ENOSF1: variants seen among roughly 807,000 people sequenced by gnomAD.
ENOSF1 encodes mitochondrial enolase superfamily member 1.
A neutral mutation model predicts 68.2 loss-of-function variants in ENOSF1; 73 were observed. That is an observed-to-expected ratio of 1.07 (90% CI 0.89 to 1.30). The LOEUF is 1.30. Ranked by LOEUF, ENOSF1 falls within the 50% of genes most tolerant of loss-of-function variation. The probability of loss-of-function intolerance (pLI) is 0.00; values close to 1 mark genes in which losing one functional copy is unlikely to be tolerated. For missense variants in ENOSF1, 589 were observed against 554.5 expected (o/e 1.06, Z -0.62); for synonymous variants, 223 against 210.4 (o/e 1.06, Z -0.52).
At position 675,307 on chromosome 18, in the gene ENOSF1, A is replaced by G. The variant is rs3819102; in HGVS notation, c.1230+14T>C. On this transcript the variant is annotated intron_variant, in intron 15 of 15. Coordinates refer to ENST00000647584, the MANE Select transcript of ENOSF1 (RefSeq NM_017512.7). Reference sequence around the variant, plus strand: ...CAGCATCTCTTCTACAGGGGCCCTCAGGCCACAGCTTACCTTGGGAGGCAT... The same window carrying G: ...CAGCATCTCTTCTACAGGGGCCCTCGGGCCACAGCTTACCTTGGGAGGCAT... The G allele has an allele frequency of 0.027, 43,253 of 1,603,502 alleles. 1,740 individuals are homozygous for G. Among genetic ancestry groups the G allele is most frequent in the East Asian group, 0.23 (10,099 of 44,658 alleles).
intron 11 of ENOSF1, among the ~76,000 whole-genome samples, chr18:682,529 A>G (rs1199359577): frequency 6.6e-6 from 1 of 152,112 alleles, no homozygotes; most frequent in African/African-American, 2.4e-5. Flanking sequence ...TATGGGGCAC[A>G]TGACTGTGCC....
intron 2 of ENOSF1, among the ~76,000 whole-genome samples, chr18:702,390 T>A (rs773043998): frequency 1.3e-5 from 2 of 148,966 alleles, no homozygotes; most frequent in African/African-American, 2.5e-5. Flanking sequence ...CTGGCCAACA[T>A]ATAGTGAAAC....
At chr18:694,618 ACT>A (rs1158310733) in intron 3 of ENOSF1, among the ~76,000 whole-genome samples, 1 of 147,406 alleles carries the variant, frequency 6.8e-6, no homozygotes, top group African/African-American at 2.6e-5. Context: ...ACAGAGCAAG[ACT>A]CTGTCTCAAA....
chr18:675,238 G>A lies in ENOSF1; in HGVS notation c.1230+83C>T, dbSNP rs2075362313. 6.8e-6 allele frequency: 7 copies of A among 1,032,812 alleles called. No individual in the cohort carries two copies. In the South Asian group the frequency reaches 9.4e-5, roughly 14 times the overall value. The allele number at this position is 1,032,812 out of a possible 1,614,324, so 64.0% of individuals were successfully genotyped here. Reference sequence around the variant, plus strand: ...GCAAACAAACAGGAGTCAAAGCTTGGTGCTCCACAGTCTAGTTCACGAGAC... The same window carrying A: ...GCAAACAAACAGGAGTCAAAGCTTGATGCTCCACAGTCTAGTTCACGAGAC... On this transcript the variant is annotated intron_variant, in intron 15 of 15. Coordinates refer to ENST00000647584, the MANE Select transcript of ENOSF1 (RefSeq NM_017512.7).
At chr18:700,911 A>G (rs1361091193) in intron 2 of ENOSF1, among the ~76,000 whole-genome samples, 1 of 151,252 alleles carries the variant, frequency 6.6e-6, no homozygotes, top group Non-Finnish European at 1.5e-5. Context: ...AAAAAAAAAA[A>G]AAACAAGAGA....
intron 5 of ENOSF1, chr18:691,567 G>C (rs1204184952): frequency 3.7e-6 from 1 of 271,906 alleles, no homozygotes; most frequent in East Asian, 7.6e-5. Context: ...GGTTGATCTT[G>C]AGCTCCTGGC....
Position 694,275 on chromosome 18 carries a change from C to T in ENOSF1, c.369G>A (p.Trp123Ter). ...TTCCCTCCTGCTTGGCCCACAAGTC[C>T]CACACCGCGTTTAGGACGGCCGCTG... is the stretch of plus-strand genomic sequence containing the variant. The part of the protein sequence containing the change: ...LATAAVLNAV[W>*]DLWAKQEGKP... The change falls in exon 4 of 16, where the codon TGG (tryptophan) becomes TGA (stop). Residue 123 changes from tryptophan to a stop codon, truncating the protein, a stop_gained. Transcript: ENST00000647584. LOFTEE classifies it high-confidence loss of function. 3 of 1,614,144 alleles carry T rather than the reference C, an allele frequency of 1.9e-6. No homozygotes were observed. In the South Asian group the frequency reaches 3.3e-5, roughly 18 times the overall value.
At position 674,221 on chromosome 18, in the gene ENOSF1, T is replaced by C; in HGVS notation, c.*84A>G. On this transcript the variant is annotated 3_prime_UTR_variant, in exon 16 of 16. Transcript: ENST00000647584. ...GAACTCATCTTGATCGGTAGGATTTTTTAAATCCATTTTTGTAAAACTATT... is the reference window on the plus strand; with the variant it reads ...GAACTCATCTTGATCGGTAGGATTTCTTAAATCCATTTTTGTAAAACTATT... 1.0e-6 allele frequency: 1 copy of C among 956,972 alleles called. No individual in the cohort carries two copies. The highest frequency in any genetic ancestry group is 1.6e-5 in the South Asian group (1 of 64,486). 59.3% of individuals were successfully genotyped at this position (956,972 alleles called of 1,614,324 possible).
intron 9 of ENOSF1, chr18:686,966 G>A (rs574070045): frequency 3.3e-4 from 50 of 152,326 alleles, no homozygotes; most frequent in African/African-American, 1.2e-3. Flanking sequence ...TCCTGTGCTG[G>A]GAAGAGACCC....
rs1319986930 is a variant in ENOSF1 at position 672,534 on chromosome 18, T to C, written c.*1771A>G. The C allele has an allele frequency of 5.5e-6, 1 of 182,962 alleles. No individual in the cohort carries two copies. The highest frequency in any genetic ancestry group is 1.1e-5 in the Non-Finnish European group (1 of 87,084). 11.3% of individuals were successfully genotyped at this position (182,962 alleles called of 1,614,324 possible). On this transcript the variant is annotated 3_prime_UTR_variant, in exon 16 of 16. Transcript: ENST00000647584. The stretch of plus-strand genomic sequence containing the variant: ...AGGGATTGTGGAATTCAAGTAAACG[T>C]AGAGCTACTATGAGTTACAGATTGA...
At chr18:699,883 C>T (rs929484834) in intron 2 of ENOSF1, among the ~76,000 whole-genome samples, 5 of 152,176 alleles carry the variant, frequency 3.3e-5, no homozygotes. Context: ...AGTTTGAGAC[C>T]AGCTTGGCCA....
At chr18:675,193 A>C in intron 15 of ENOSF1, 128 bp downstream of exon 15, 1 of 735,848 alleles carries the variant, frequency 1.4e-6, no homozygotes, top group Non-Finnish European at 2.4e-6. Context: ...AAACTGAAGA[A>C]CCGTTTGTTA....
At chr18:696,914 C>G (rs1024212457) in intron 3 of ENOSF1, among the ~76,000 whole-genome samples, 7 of 152,052 alleles carry the variant, frequency 4.6e-5, no homozygotes, top group Non-Finnish European at 1.0e-4. Context: ...GTCAGGAGTT[C>G]GAGACCAGCC....
chr18:697,442 G>A, intron 2 of ENOSF1, 87 bp from the exon 3 acceptor site: 1 of 1,075,880 alleles, frequency 9.3e-7, no homozygotes, highest in Non-Finnish European at 1.4e-6. Context: ...AAACAAATGT[G>A]AAAGTTTTAT....
At chr18:678,415 C>A in intron 12 of ENOSF1, 1 of 485,792 alleles carries the variant, frequency 2.1e-6, no homozygotes. Context: ...CCATTTTCTG[C>A]CCTTGCAATA....
At chr18:707,673 T>C (rs750345665) in intron 1 of ENOSF1, 3 of 152,186 alleles carry the variant, frequency 2.0e-5, no homozygotes, top group Non-Finnish European at 4.4e-5. Context: ...AATTTATTAC[T>C]GTTATTATTC....
At chr18:700,484 C>T (rs951032237) in intron 2 of ENOSF1, among the ~76,000 whole-genome samples, 15 of 152,186 alleles carry the variant, frequency 9.9e-5, no homozygotes, top group Non-Finnish European at 1.9e-4. Flanking sequence ...AGGATGATCT[C>T]ATTTTTATGA....
chr18:689,022 G>T (rs2076899292), intron 8 of ENOSF1, among the ~76,000 whole-genome samples: 1 of 152,146 alleles, frequency 6.6e-6, no homozygotes, highest in Non-Finnish European at 1.5e-5. Context: ...CCGACTGCAT[G>T]CCATGTGCCA....
In ENOSF1 at chr18:670,400, G is replaced by A; in HGVS notation, c.*3905C>T. 1 of 313,656 alleles carries A rather than the reference G, an allele frequency of 3.2e-6. No individual in the cohort carries two copies. The allele number at this position is 313,656 out of a possible 1,614,324, so 19.4% of individuals were successfully genotyped here. ...TCCTGTGGCAAACAGAATTATTCCT[G>A]CTGTATTTGTAATCTGGTGCCACGA... On this transcript the variant is annotated 3_prime_UTR_variant, in exon 16 of 16. Coordinates refer to ENST00000647584, the MANE Select transcript of ENOSF1 (RefSeq NM_017512.7).
Sources: allele counts gnomAD v4.1 joint callset (sites outside exome capture counted in the v4.1 genomes callset), GRCh38; gene constraint gnomAD v4.1.1; transcripts MANE v1.5; gene names NCBI Gene and HGNC (gene_info 2026-07-23, HGNC 2026-07-21).